The following KCNT2 variants were observed in gnomAD, a reference collection of about 807,000 sequenced individuals.
KCNT2 encodes the protein potassium channel subfamily T member 2.
Under a neutral mutation model 153.8 loss-of-function variants are expected in KCNT2, and 67 were observed. That is an observed-to-expected ratio of 0.44 (90% CI 0.36 to 0.53). The LOEUF (loss-of-function observed/expected upper bound fraction) is 0.53. KCNT2 is among the 20% of genes least tolerant of loss of function. The pLI is 0.00. For missense variants in KCNT2, 975 were observed against 1,354.8 expected (o/e 0.72, Z 4.40); for synonymous variants, 500 against 458.8 (o/e 1.09, Z -1.15).
At chr1:196,494,384 A>G (rs1680084397) in intron 1 of KCNT2, among the ~76,000 whole-genome samples, 1 of 152,142 alleles carries the variant, frequency 6.6e-6, no homozygotes, top group African/African-American at 2.4e-5. Context: ...AGTACTGGGT[A>G]TGTAACAGAG....
intron 1 of KCNT2, among the ~76,000 whole-genome samples, chr1:196,599,483 C>T (rs918885268): frequency 2.0e-5 from 3 of 152,154 alleles, no homozygotes; most frequent in Admixed American, 6.5e-5. Context: ...CCCATATTTA[C>T]ATACTGTGAA....
intron 21 of KCNT2, among the ~76,000 whole-genome samples, chr1:196,307,744 T>A (rs1280464362): frequency 6.6e-6 from 1 of 152,032 alleles, no homozygotes; most frequent in Non-Finnish European, 1.5e-5. Flanking sequence ...CACTCAAAAG[T>A]CACCCATGAT....
At chr1:196,519,509 T>A (rs183895143) in intron 1 of KCNT2, among the ~76,000 whole-genome samples, 4 of 151,718 alleles carry the variant, frequency 2.6e-5, no homozygotes, top group Admixed American at 2.0e-4. Context: ...ATCTGGGGGT[T>A]AATTTTTTTA....
At chr1:196,552,071 C>A (rs1347842092) in intron 1 of KCNT2, among the ~76,000 whole-genome samples, 1 of 151,422 alleles carries the variant, frequency 6.6e-6, no homozygotes, top group Non-Finnish European at 1.5e-5. Context: ...GTTCTCCCTC[C>A]TATTCTCTTC....
intron 17 of KCNT2, 36 bp from the exon 18 acceptor site, chr1:196,331,297 G>A: frequency 9.2e-7 from 1 of 1,081,082 alleles, no homozygotes; most frequent in Non-Finnish European, 1.4e-6. Context: ...CTTGGATAAG[G>A]CATGCAAATT....
intron 11 of KCNT2, among the ~76,000 whole-genome samples, chr1:196,424,594 A>G (rs1673487864): frequency 1.3e-5 from 2 of 151,966 alleles, no homozygotes; most frequent in Non-Finnish European, 2.9e-5. Context: ...TAATCCACCA[A>G]AAAGATGAAA....
chr1:196,385,445 G>A (rs1669886184), intron 13 of KCNT2, among the ~76,000 whole-genome samples: 1 of 152,012 alleles, frequency 6.6e-6, no homozygotes, highest in Non-Finnish European at 1.5e-5. Flanking sequence ...GCAGTATATT[G>A]TTGACTGAGA....
chr1:196,531,627 T>C (rs1174959618), intron 1 of KCNT2, among the ~76,000 whole-genome samples: 1 of 152,058 alleles, frequency 6.6e-6, no homozygotes, highest in Non-Finnish European at 1.5e-5. Flanking sequence ...ACACAAATAA[T>C]TTTAAACAAA....
chr1:196,554,830 A>G (rs894628539), intron 1 of KCNT2, among the ~76,000 whole-genome samples: 8 of 151,368 alleles, frequency 5.3e-5, no homozygotes, highest in Non-Finnish European at 1.2e-4. Flanking sequence ...AAGTTGGGTC[A>G]ACATATGCAA....
chr1:196,257,433 C>A (rs1656611729), intron 26 of KCNT2: 1 of 969,014 alleles, frequency 1.0e-6, no homozygotes, highest in Non-Finnish European at 1.2e-6. Flanking sequence ...ATGATACTAA[C>A]CCTATCTGAG....
chr1:196,409,073 G>GT (rs576595192), intron 12 of KCNT2, among the ~76,000 whole-genome samples: 13,293 of 140,066 alleles, frequency 0.095, 607 homozygotes, highest in African/African-American at 0.1. Flanking sequence ...ACATTTAGGA[G>GT]TTTTTTTTTT....
chr1:196,510,246 G>A (rs1305923548), intron 1 of KCNT2, among the ~76,000 whole-genome samples: 1 of 152,030 alleles, frequency 6.6e-6, no homozygotes. Context: ...AATAAATAGT[G>A]ACAATAACTT....
intron 26 of KCNT2, among the ~76,000 whole-genome samples, chr1:196,246,246 A>G (rs1210645213): frequency 6.6e-6 from 1 of 152,172 alleles, no homozygotes; most frequent in East Asian, 1.9e-4. Context: ...TAATACTTGT[A>G]TCCTTTTATC....
At chr1:196,479,929 GACCATACC>G (rs1201868239) in intron 4 of KCNT2, among the ~76,000 whole-genome samples, 2 of 152,132 alleles carry the variant, frequency 1.3e-5, no homozygotes, top group Non-Finnish European at 2.9e-5. Flanking sequence ...AAATAAAATA[GACCATACC>G]ACCACTTCAA....
At chr1:196,517,090 C>G (rs1652672688) in intron 1 of KCNT2, among the ~76,000 whole-genome samples, 1 of 152,116 alleles carries the variant, frequency 6.6e-6, no homozygotes, top group South Asian at 2.1e-4. Context: ...CTTGCTGTCT[C>G]CACACTCTGG....
intron 1 of KCNT2, among the ~76,000 whole-genome samples, chr1:196,557,562 G>T (rs76170483): frequency 6.7e-6 from 1 of 149,202 alleles, no homozygotes; most frequent in Non-Finnish European, 1.5e-5. Flanking sequence ...ACAAGATCTC[G>T]TGTAGAAAAA....
chr1:196,381,668 G>T (rs1412009400), intron 13 of KCNT2, among the ~76,000 whole-genome samples: 7 of 152,146 alleles, frequency 4.6e-5, no homozygotes, highest in Non-Finnish European at 7.4e-5. Context: ...GTAACAGAAT[G>T]TAGCAGTGTT....
intron 12 of KCNT2, among the ~76,000 whole-genome samples, chr1:196,422,804 T>C (rs775829639): frequency 2.0e-5 from 3 of 152,020 alleles, no homozygotes; most frequent in African/African-American, 4.8e-5. Flanking sequence ...GTTCTGTTTA[T>C]ATATGATTCA....
At chr1:196,401,055 C>A (rs927340334) in intron 12 of KCNT2, among the ~76,000 whole-genome samples, 3 of 151,702 alleles carry the variant, frequency 2.0e-5, no homozygotes, top group African/African-American at 7.3e-5. Flanking sequence ...AAAGAGAAAC[C>A]ACAAATTCTG....
Sources: gnomAD v4.1 joint callset for allele counts (sites outside exome capture counted in the v4.1 genomes callset) on GRCh38, gnomAD v4.1.1 for gene constraint, MANE v1.5 for transcripts, NCBI Gene and HGNC (gene_info 2026-07-23, HGNC 2026-07-21) for gene names.